ZC3H7A: variants seen among roughly 807,000 people sequenced by gnomAD.
ZC3H7A encodes the protein zinc finger CCCH domain-containing protein 7A.
In ZC3H7A, 44 loss-of-function variants were observed where a neutral mutation model predicts 125.5. That is an observed-to-expected ratio of 0.35 (90% CI 0.28 to 0.45). The LOEUF is 0.45. Ranked by LOEUF, ZC3H7A falls within the 20% of genes least tolerant of loss-of-function variation. ZC3H7A has a pLI of 1.00. For missense variants in ZC3H7A, 977 were observed against 1,170.7 expected (o/e 0.83, Z 2.41); for synonymous variants, 399 against 391.2 (o/e 1.02, Z -0.23).
chr16:11,753,578 A>T (rs536397759), intron 21 of ZC3H7A: 8 of 152,394 alleles, frequency 5.2e-5, no homozygotes, highest in African/African-American at 1.9e-4. Flanking sequence ...AGTGGCTAGG[A>T]TTACAGGTGC....
In ZC3H7A at chr16:11,784,029, A is replaced by G. The variant is rs145352329; in HGVS notation, c.-34-1641T>C. 7.3e-3 allele frequency among the ~76,000 whole-genome samples: 1,111 copies of G among 152,150 alleles called. 9 individuals are homozygous for G. The highest frequency in any genetic ancestry group is 0.01 in the Middle Eastern group (3 of 294). On this transcript the variant is annotated intron_variant, in intron 1 of 22. Coordinates refer to ENST00000355758, the MANE Select transcript of ZC3H7A (RefSeq NM_014153.4). ...AGGAAACAGCAGAATGCTGATAACC[A>G]GGGGAGGGTGAGAAGTGCAGGGGAT...
chr16:11,770,360 A>G (rs1387847349), intron 10 of ZC3H7A, among the ~76,000 whole-genome samples: 1 of 152,198 alleles, frequency 6.6e-6, no homozygotes, highest in African/African-American at 2.4e-5. Flanking sequence ...TCCACAGATG[A>G]AACCTAAAAT....
At chr16:11,776,970 C>A (rs1372389845) in intron 4 of ZC3H7A, 61 bp from the exon 5 acceptor site, 3 of 1,411,346 alleles carry the variant, frequency 2.1e-6, no homozygotes, top group South Asian at 1.6e-5. Flanking sequence ...TGCACTGAGG[C>A]CTTCCTGTAA....
intron 1 of ZC3H7A, among the ~76,000 whole-genome samples, chr16:11,795,411 C>T (rs2053420815): frequency 6.6e-6 from 1 of 151,978 alleles, no homozygotes; most frequent in African/African-American, 2.4e-5. Flanking sequence ...CAAAATAAGC[C>T]ATACGTGTCA....
intron 4 of ZC3H7A, among the ~76,000 whole-genome samples, chr16:11,777,833 G>A (rs966610876): frequency 9.3e-5 from 14 of 150,948 alleles, no homozygotes; most frequent in Non-Finnish European, 1.5e-4. Flanking sequence ...CAGCCTGACC[G>A]ACATGGAGAC....
chr16:11,788,386 G>A (rs1567395321), intron 1 of ZC3H7A, among the ~76,000 whole-genome samples: 2 of 152,218 alleles, frequency 1.3e-5, no homozygotes, highest in Non-Finnish European at 1.5e-5. Context: ...CAACTCTCAC[G>A]TCCATCCCCA....
In ZC3H7A at chr16:11,785,821, G is replaced by A. The variant is rs867382908; in HGVS notation, c.-34-3433C>T. Among the ~76,000 whole-genome samples the A allele has an allele frequency of 3.3e-5, 5 of 152,202 alleles. 1 individual carries two copies. Among genetic ancestry groups the A allele is most frequent in the Middle Eastern group, 6.8e-3 (2 of 294 alleles). ...TTTTTAGTAGAGATAGGGTTTCACC[G>A]CGTTAGCCAGGATGGTCTCGATCTC... On this transcript the variant is annotated intron_variant, in intron 1 of 22. Coordinates refer to ENST00000355758, the MANE Select transcript of ZC3H7A (RefSeq NM_014153.4).
At chr16:11,784,544 C>A (rs1272371118) in intron 1 of ZC3H7A, among the ~76,000 whole-genome samples, 4 of 151,560 alleles carry the variant, frequency 2.6e-5, no homozygotes, top group Admixed American at 6.6e-5. Context: ...CACAGGGAGA[C>A]CCCCTATCTC....
chr16:11,793,994 T>C (rs2053393712), intron 1 of ZC3H7A, among the ~76,000 whole-genome samples: 2 of 152,182 alleles, frequency 1.3e-5, no homozygotes, highest in South Asian at 4.1e-4. Flanking sequence ...AGCCTCCCTC[T>C]GCGAAGAGGC....
At chr16:11,763,265 G>C (rs1020743421) in intron 16 of ZC3H7A, 2 of 367,984 alleles carry the variant, frequency 5.4e-6, no homozygotes, top group Admixed American at 4.5e-5. Context: ...CCACCACCAC[G>C]CCCGATTAAT....
At chr16:11,773,746 G>A (rs1040440036) in intron 9 of ZC3H7A, among the ~76,000 whole-genome samples, 2 of 151,706 alleles carry the variant, frequency 1.3e-5, no homozygotes, top group Non-Finnish European at 2.9e-5. Flanking sequence ...AGCCAGGCGT[G>A]GTGGCGGGCG....
rs2052835055 is a variant in ZC3H7A at position 11,765,262 on chromosome 16, T to G, written c.1720-109A>C. On this transcript the variant is annotated intron_variant, in intron 14 of 22. Coordinates refer to ENST00000355758, the MANE Select transcript of ZC3H7A (RefSeq NM_014153.4). This position sits in a 1 kb window ranked among gnomAD's most constrained non-coding sequence, Gnocchi z 4.8. ...TACAAAATTAATATTCAATATGAAG[T>G]TTTAATATTCTTTTTGGTAACAGTA... The G allele has an allele frequency of 1.3e-6, 1 of 773,140 alleles. No individual in the cohort carries two copies. The highest frequency in any genetic ancestry group is 2.5e-5 in the South Asian group (1 of 39,700). 47.9% of individuals were successfully genotyped at this position (773,140 alleles called of 1,614,324 possible).
chr16:11,768,945 T>A, intron 11 of ZC3H7A, 86 bp downstream of exon 11: 1 of 1,342,924 alleles, frequency 7.4e-7, no homozygotes, highest in Non-Finnish European at 1.0e-6. Context: ...TAAGGGAGAC[T>A]GTCATGTTCA....
In ZC3H7A at chr16:11,751,288, A is replaced by G. The variant is rs1838977790; in HGVS notation, c.*29T>C. 1.3e-6 allele frequency: 2 copies of G among 1,589,814 alleles called. No homozygotes were observed. Among genetic ancestry groups the G allele is most frequent in the Non-Finnish European group, 1.7e-6 (2 of 1,167,318 alleles). On this transcript the variant is annotated 3_prime_UTR_variant, in exon 23 of 23. Transcript: ENST00000355758. ...TTCAATTTTTCTGGTCAATGCTCTG[A>G]TTAGGTATCATACATAAAAGCCAGC...
chr16:11,770,937 G>C lies in ZC3H7A; in HGVS notation c.954C>G (p.Ser318Arg), dbSNP rs2052969014. 1 of 1,613,866 alleles carries C rather than the reference G, an allele frequency of 6.2e-7. No individual in the cohort carries two copies. The highest frequency in any genetic ancestry group is 8.5e-7 in the Non-Finnish European group (1 of 1,179,850). The change falls in exon 10 of 23, where the codon AGC becomes AGG. Residue 318 changes from serine (S) to arginine (R), a missense_variant. Ser to Arg is a moderately radical substitution (Grantham distance 110, BLOSUM62 -1). Around this residue, in one of 3 missense-constraint regions of ZC3H7A, gnomAD observed 342 missense variants for 311.3 expected, o/e 1.10. Coordinates refer to ENST00000355758, the MANE Select transcript of ZC3H7A (RefSeq NM_014153.4). ...CTAACAGCGATGCCGAAAAGGGCAT[G>C]CTAGGAGAGACACTGGCTGTCTGAA... Reference protein sequence around the residue: ...GPLQTASVSPSMPFSASLLGT... With the variant: ...GPLQTASVSPRMPFSASLLGT...
At position 11,765,775 on chromosome 16, in the gene ZC3H7A, T is replaced by C; in HGVS notation, c.1523-90A>G. On this transcript the variant is annotated intron_variant, in intron 13 of 22. Coordinates refer to ENST00000355758, the MANE Select transcript of ZC3H7A (RefSeq NM_014153.4). The surrounding 1 kb of genome is among the most constrained non-coding windows in gnomAD (Gnocchi z 4.8). ...GGGAGGCTGAGGTGGGAGGATCCCT[T>C]GAGCCCAGGAGTTCAAGGCTGCGGT... is the stretch of plus-strand genomic sequence containing the variant. 1 of 1,333,356 alleles carries C rather than the reference T, an allele frequency of 7.5e-7. No homozygotes were observed. The highest frequency in any genetic ancestry group is 1.5e-5 in the African/African-American group (1 of 68,658). The allele number at this position is 1,333,356 out of a possible 1,614,324, so 82.6% of individuals were successfully genotyped here.
At chr16:11,760,122 G>GAAAAAAAAAAAAAAGAAAAAAA (rs2052723049) in intron 19 of ZC3H7A, among the ~76,000 whole-genome samples, 2 of 82,526 alleles carry the variant, frequency 2.4e-5, no homozygotes, top group Non-Finnish European at 4.3e-5. Flanking sequence ...AAGAAAAAAT[G>GAAAAAAAAAAAAAAGAAAAAAA]AAAAAAAAAA....
At chr16:11,785,144 G>A (rs1437292152) in intron 1 of ZC3H7A, among the ~76,000 whole-genome samples, 1 of 151,728 alleles carries the variant, frequency 6.6e-6, no homozygotes, top group Non-Finnish European at 1.5e-5. Flanking sequence ...AGCAACAAGA[G>A]TGAAATTCCA....
chr16:11,768,198 T>C (rs2052895200), intron 12 of ZC3H7A, 117 bp downstream of exon 12: 8 of 1,042,318 alleles, frequency 7.7e-6, no homozygotes, highest in Non-Finnish European at 1.0e-5. Flanking sequence ...GAATTCAAAA[T>C]AGGGATTGAA....
Sources: allele counts gnomAD v4.1 joint callset (sites outside exome capture counted in the v4.1 genomes callset), GRCh38; gene constraint gnomAD v4.1.1; regional missense constraint gnomAD v4.1.1; non-coding constraint Gnocchi (gnomAD v3.1); transcripts MANE v1.5; gene names NCBI Gene and HGNC (gene_info 2026-07-23, HGNC 2026-07-21).